Variants in ASTN2 observed in about 807,000 individuals in gnomAD.
ASTN2 encodes astrotactin 2.
A neutral mutation model predicts 139.8 loss-of-function variants in ASTN2; 54 were observed. That is an observed-to-expected ratio of 0.39 (90% CI 0.31 to 0.48). The LOEUF is 0.48. ASTN2 is among the 20% of genes least tolerant of loss of function. The pLI is 0.95. For synonymous variants in ASTN2, 756 were observed against 719.5 expected (o/e 1.05, Z -0.81); for missense variants, 1,565 against 1,725.1 (o/e 0.91, Z 1.64).
intron 19 of ASTN2, among the ~76,000 whole-genome samples, chr9:116,570,973 C>G (rs902842196): frequency 2.0e-5 from 3 of 152,042 alleles, no homozygotes; most frequent in Non-Finnish European, 4.4e-5. Flanking sequence ...GAGATACATC[C>G]TGAGAGTTTT....
chr9:116,562,157 G>A (rs1852948284), intron 19 of ASTN2: 1 of 152,168 alleles, frequency 6.6e-6, no homozygotes, highest in Non-Finnish European at 1.5e-5. Context: ...CCTGAAAATT[G>A]TTCCTTTAGA....
At chr9:116,478,717 G>A (rs1320125738) in intron 20 of ASTN2, among the ~76,000 whole-genome samples, 2 of 151,994 alleles carry the variant, frequency 1.3e-5, no homozygotes, top group Admixed American at 1.3e-4. Context: ...GCCTCAGGCT[G>A]GGCGCAGTGG....
chr9:117,003,411 T>C (rs952052460), intron 7 of ASTN2, among the ~76,000 whole-genome samples: 1 of 152,054 alleles, frequency 6.6e-6, no homozygotes, highest in Admixed American at 6.6e-5. Flanking sequence ...GGCTTTGCAG[T>C]TTGCCAGCTG....
intron 16 of ASTN2, among the ~76,000 whole-genome samples, chr9:116,708,627 A>G (rs1828059115): frequency 6.6e-6 from 1 of 152,162 alleles, no homozygotes; most frequent in Non-Finnish European, 1.5e-5. Context: ...AGCTCACGAA[A>G]AAGGGATGGA....
At chr9:116,600,473 T>C (rs1207047383) in intron 19 of ASTN2, among the ~76,000 whole-genome samples, 4 of 152,188 alleles carry the variant, frequency 2.6e-5, no homozygotes, top group Admixed American at 2.6e-4. Context: ...GTAGATTAAA[T>C]GGTCAGAAGA....
chr9:116,428,321 C>T (rs558435302), intron 22 of ASTN2, among the ~76,000 whole-genome samples: 16 of 152,194 alleles, frequency 1.1e-4, no homozygotes, highest in East Asian at 9.7e-4. Flanking sequence ...GTCAGAAGTT[C>T]GACAGCAGCC....
At chr9:116,686,609 CA>C in intron 16 of ASTN2, 1 of 1,363,988 alleles carries the variant, frequency 7.3e-7, no homozygotes, top group Non-Finnish European at 1.0e-6. Flanking sequence ...CAGATTCCCT[CA>C]AATCTCAGGC....
At chr9:116,633,551 C>T (rs1191584306) in intron 17 of ASTN2, among the ~76,000 whole-genome samples, 1 of 152,112 alleles carries the variant, frequency 6.6e-6, no homozygotes. Context: ...AGATGAGAGG[C>T]GGGTTGGAAA....
intron 10 of ASTN2, among the ~76,000 whole-genome samples, chr9:116,961,859 G>A (rs1003668022): frequency 6.6e-6 from 1 of 152,200 alleles, no homozygotes; most frequent in Non-Finnish European, 1.5e-5. Context: ...CTAAATAATT[G>A]TAATATAATG....
At chr9:116,565,381 CT>C (rs1853147036) in intron 19 of ASTN2, among the ~76,000 whole-genome samples, 1 of 34,718 alleles carries the variant, frequency 2.9e-5, no homozygotes, top group Admixed American at 4.5e-4. Flanking sequence ...CTCTCTCTCT[CT>C]CTCTCCATAT....
chr9:117,130,200 T>G (rs1034028407), intron 4 of ASTN2, among the ~76,000 whole-genome samples: 7 of 152,140 alleles, frequency 4.6e-5, no homozygotes, highest in African/African-American at 1.7e-4. Context: ...TCTTGACTAC[T>G]CAGGAGGCTG....
chr9:116,487,553 A>G (rs1464550920), intron 19 of ASTN2, 53 bp from the exon 20 acceptor site: 1 of 1,560,514 alleles, frequency 6.4e-7, no homozygotes, highest in Non-Finnish European at 8.7e-7. Flanking sequence ...TAGTGAGGAG[A>G]CGTTTTTGCT....
At chr9:117,257,681 A>T (rs2133102625) in intron 2 of ASTN2, among the ~76,000 whole-genome samples, 1 of 152,364 alleles carries the variant, frequency 6.6e-6, no homozygotes, top group East Asian at 1.9e-4. Flanking sequence ...GAGGAAAAAT[A>T]GAGATGCTGA....
chr9:116,438,632 CCT>C (rs1278310249), intron 22 of ASTN2, among the ~76,000 whole-genome samples: 1 of 152,170 alleles, frequency 6.6e-6, no homozygotes, highest in Non-Finnish European at 1.5e-5. Context: ...ATTCTCTTCC[CCT>C]CTTTCAGGTT....
chr9:117,206,072 A>G (rs756748795), intron 3 of ASTN2, among the ~76,000 whole-genome samples: 2 of 152,232 alleles, frequency 1.3e-5, no homozygotes, highest in Non-Finnish European at 2.9e-5. Flanking sequence ...GATGCATGAT[A>G]AGAGACACCT....
intron 10 of ASTN2, among the ~76,000 whole-genome samples, chr9:116,880,157 C>T (rs144819344): frequency 4.5e-4 from 68 of 152,198 alleles, no homozygotes; most frequent in African/African-American, 1.6e-3. Context: ...CCACTGGTGA[C>T]AAAGTCACAG....
intron 3 of ASTN2, among the ~76,000 whole-genome samples, chr9:117,172,045 C>T (rs1160732548): frequency 1.3e-5 from 2 of 152,048 alleles, no homozygotes; most frequent in Non-Finnish European, 2.9e-5. Context: ...TCTGTAGGAT[C>T]GCATATCTAT....
chr9:117,375,785 A>G (rs895846263), intron 1 of ASTN2, among the ~76,000 whole-genome samples: 1 of 152,304 alleles, frequency 6.6e-6, no homozygotes, highest in East Asian at 1.9e-4. Flanking sequence ...TCGGAAGTCC[A>G]AAGTGGGCTT....
intron 19 of ASTN2, among the ~76,000 whole-genome samples, chr9:116,532,713 T>C (rs1851411132): frequency 6.6e-6 from 1 of 152,196 alleles, no homozygotes; most frequent in Non-Finnish European, 1.5e-5. Context: ...TCTGTTCCAT[T>C]GGTCTATATC....
Sources: allele counts gnomAD v4.1 joint callset (sites outside exome capture counted in the v4.1 genomes callset), GRCh38; gene constraint gnomAD v4.1.1; transcripts MANE v1.5; gene names NCBI Gene and HGNC (gene_info 2026-07-23, HGNC 2026-07-21).